HDDC2: variants seen among roughly 807,000 people sequenced by gnomAD.
HDDC2 encodes the protein 5'-deoxynucleotidase HDDC2.
In HDDC2, 25 loss-of-function variants were observed where a neutral mutation model predicts 25.5. The observed-to-expected ratio is 0.98, with a 90% CI of 0.72 to 1.37. HDDC2 has a LOEUF of 1.37. Ranked by LOEUF, HDDC2 falls within the 40% of genes most tolerant of loss-of-function variation. HDDC2 has a pLI of 0.00. For missense variants in HDDC2, 264 were observed against 253.1 expected (o/e 1.04, Z -0.29); for synonymous variants, 106 against 89.7 (o/e 1.18, Z -1.03).
intron 2 of HDDC2, among the ~76,000 whole-genome samples, chr6:125,299,732 T>C (rs987168): frequency 0.27 from 41,003 of 152,174 alleles, 7,505 homozygotes; most frequent in African/African-American, 0.52. Context: ...ATCTGCTGAG[T>C]AACAGAGGAC....
Position 125,276,259 on chromosome 6 carries a change from A to G in HDDC2, c.518-16T>C. 6.3e-7 allele frequency: 1 copy of G among 1,587,542 alleles called. No individual in the cohort carries two copies. Among genetic ancestry groups the G allele is most frequent in the Non-Finnish European group, 8.6e-7 (1 of 1,156,470 alleles). ...TTGAATTTTCCTGCAAAGCAAAAGA[A>G]CAGGGAAAAATACATTCCCATATTG... On this transcript the variant is annotated splice_polypyrimidine_tract_variant and intron_variant, in intron 5 of 5. Coordinates refer to ENST00000398153, the MANE Select transcript of HDDC2 (RefSeq NM_016063.3).
At chr6:125,293,892 T>G (rs115143462) in intron 3 of HDDC2, among the ~76,000 whole-genome samples, 1 of 152,132 alleles carries the variant, frequency 6.6e-6, no homozygotes, top group Non-Finnish European at 1.5e-5. Context: ...AGGAGAAGCG[T>G]TGAGAGTTAG....
chr6:125,280,473 A>G (rs1399028620), intron 4 of HDDC2, among the ~76,000 whole-genome samples: 2 of 152,218 alleles, frequency 1.3e-5, no homozygotes, highest in African/African-American at 4.8e-5. Context: ...GAGCCCAGCA[A>G]GCTAAGATCC....
At chr6:125,284,447 G>C (rs1798502754) in intron 4 of HDDC2, among the ~76,000 whole-genome samples, 1 of 152,022 alleles carries the variant, frequency 6.6e-6, no homozygotes, top group Non-Finnish European at 1.5e-5. Flanking sequence ...AATCTACCAG[G>C]AACTTTACCA....
intron 3 of HDDC2, among the ~76,000 whole-genome samples, chr6:125,296,718 G>A (rs1291946968): frequency 6.6e-6 from 1 of 152,182 alleles, no homozygotes; most frequent in Non-Finnish European, 1.5e-5. Context: ...GCAGCAGTCA[G>A]GAGGTTTAAT....
At position 125,301,885 on chromosome 6, in the gene HDDC2, G is replaced by A; in HGVS notation, c.48C>T (p.Ser16=). 6.4e-7 allele frequency: 1 copy of A among 1,551,344 alleles called. No individual in the cohort carries two copies. The highest frequency in any genetic ancestry group is 8.7e-7 in the Non-Finnish European group (1 of 1,149,308). ...CTACCAGCCGCAGGAACTGCAGTAG[G>A]GACCGAGCCCCGTGGCCCGAGAAGG... The part of the protein sequence containing the change: ...SATFSGHGAR[S]LLQFLRLVGQ... The change falls in exon 1 of 6, where the codon TCC becomes TCT. Residue 16 remains serine (S), a synonymous_variant. Transcript: ENST00000398153.
chr6:125,277,015 A>G (rs535827225), intron 5 of HDDC2, 87 bp downstream of exon 5: 265 of 1,346,138 alleles, frequency 2.0e-4, no homozygotes, highest in Non-Finnish European at 2.6e-4. Flanking sequence ...GAAGGTACCA[A>G]CAGTGGGTTT....
intron 4 of HDDC2, among the ~76,000 whole-genome samples, chr6:125,280,151 T>A (rs1257923879): frequency 6.6e-6 from 1 of 152,052 alleles, no homozygotes; most frequent in Non-Finnish European, 1.5e-5. Context: ...GGGAACTCCC[T>A]CCCCTAGCCA....
chr6:125,289,482 A>T (rs1798596462), intron 4 of HDDC2, among the ~76,000 whole-genome samples: 2 of 119,166 alleles, frequency 1.7e-5, no homozygotes, highest in Admixed American at 7.9e-5. Context: ...AGAGTATAAT[A>T]AAAAAAAAAA....
chr6:125,282,688 G>A (rs1000437611), intron 4 of HDDC2, among the ~76,000 whole-genome samples: 1 of 152,092 alleles, frequency 6.6e-6, no homozygotes, highest in African/African-American at 2.4e-5. Context: ...ATGTAAATGG[G>A]CTAAATGCCC....
At chr6:125,294,031 G>A (rs1242196058) in intron 3 of HDDC2, among the ~76,000 whole-genome samples, 1 of 152,150 alleles carries the variant, frequency 6.6e-6, no homozygotes, top group Non-Finnish European at 1.5e-5. Context: ...CTTTATTTAT[G>A]AGTTACTCCA....
chr6:125,301,733 T>C (rs1583057934), intron 1 of HDDC2, 116 bp downstream of exon 1: 1 of 699,420 alleles, frequency 1.4e-6, no homozygotes, highest in Non-Finnish European at 2.2e-6. Flanking sequence ...GAATTCGGCG[T>C]GGCGGACGCG....
intron 1 of HDDC2, 64 bp downstream of exon 1, chr6:125,301,785 G>A: frequency 8.0e-7 from 1 of 1,248,180 alleles, no homozygotes; most frequent in South Asian, 1.3e-5. Flanking sequence ...GGGGAGGCCG[G>A]AAGCTCCGCC....
rs151158277 is a variant in HDDC2, at chr6:125,294,552, T to C, written c.310-1643A>G. Among the ~76,000 whole-genome samples, 938 of 152,332 alleles carry C rather than the reference T, an allele frequency of 6.2e-3. 10 individuals carry two copies. Among genetic ancestry groups the C allele is most frequent in the African/African-American group, 0.021 (886 of 41,580 alleles). On this transcript the variant is annotated intron_variant, in intron 3 of 5. Transcript: ENST00000398153. The stretch of plus-strand genomic sequence containing the variant: ...AATTAACTGTGTCTTTATAGATTCC[T>C]TTTCTCTACACTATTGCAGAAACAC...
At chr6:125,300,781 C>G (rs764508067) in intron 1 of HDDC2, 122 bp from the exon 2 acceptor site, 2 of 983,868 alleles carry the variant, frequency 2.0e-6, no homozygotes, top group Non-Finnish European at 2.9e-6. Context: ...GAACCTATTA[C>G]AAAATGTTTT....
At chr6:125,287,522 G>A (rs1798557635) in intron 4 of HDDC2, among the ~76,000 whole-genome samples, 1 of 152,200 alleles carries the variant, frequency 6.6e-6, no homozygotes, top group South Asian at 2.1e-4. Context: ...AATGGCAGAA[G>A]AGAACTGGCA....
At chr6:125,278,452 A>T (rs1014253225) in intron 4 of HDDC2, 1 of 152,204 alleles carries the variant, frequency 6.6e-6, no homozygotes, top group Non-Finnish European at 1.5e-5. Flanking sequence ...AATACAATAC[A>T]TCTTATTACA....
rs1419869004 is a variant in HDDC2, at chr6:125,277,254, C to T, written c.379-14G>A. ...GGTCTCGTACTCCTAAGTAAAGGGA[C>T]AATTAAAGCAGCATGATTAGCGCTG... On this transcript the variant is annotated splice_polypyrimidine_tract_variant and intron_variant, in intron 4 of 5. Coordinates refer to ENST00000398153, the MANE Select transcript of HDDC2 (RefSeq NM_016063.3). 3.7e-6 allele frequency: 6 copies of T among 1,613,264 alleles called. No homozygotes were observed. In the African/African-American group the frequency reaches 4.0e-5, roughly 11 times the overall value.
intron 1 of HDDC2, 144 bp from the exon 2 acceptor site, chr6:125,300,803 TA>T: frequency 2.7e-6 from 2 of 738,678 alleles, no homozygotes; most frequent in South Asian, 2.0e-5. Flanking sequence ...CTAAACTAGC[TA>T]AAATGATAGA....
Sources: gnomAD v4.1 joint callset for allele counts (sites outside exome capture counted in the v4.1 genomes callset) on GRCh38, gnomAD v4.1.1 for gene constraint, MANE v1.5 for transcripts, NCBI Gene and HGNC (gene_info 2026-07-23, HGNC 2026-07-21) for gene names.